NCAM1: variants seen among roughly 807,000 people sequenced by gnomAD.
The protein encoded by NCAM1 is antigen recognized by monoclonal antibody 5.1H11.
Under a neutral mutation model 109.8 loss-of-function variants are expected in NCAM1, and 14 were observed. That is an observed-to-expected ratio of 0.13 (90% CI 0.08 to 0.20). NCAM1 has a LOEUF of 0.20. Among genes scored for constraint, NCAM1 ranks in the 10% least tolerant of loss-of-function variants. The pLI is 1.00. For missense variants in NCAM1, 774 were observed against 1,109.9 expected, an observed-to-expected ratio of 0.70 and a Z score of 4.30; for synonymous variants, 418 against 442.9, an observed-to-expected ratio of 0.94 and a Z score of 0.70.
intron 1 of NCAM1, among the ~76,000 whole-genome samples, chr11:113,179,162 C>T (rs1327661728): frequency 1.3e-5 from 2 of 152,192 alleles, no homozygotes; most frequent in African/African-American, 4.8e-5. Context: ...GATAAATATT[C>T]ACCAGCATGC....
At chr11:113,050,045 G>A (rs1006945840) in intron 1 of NCAM1, among the ~76,000 whole-genome samples, 4 of 147,638 alleles carry the variant, frequency 2.7e-5, no homozygotes, top group Non-Finnish European at 4.4e-5. Context: ...TGGTATGGCT[G>A]TCTCAGATTC....
In NCAM1 at chr11:113,264,365, C is replaced by T. The variant is rs138172148; in HGVS notation, c.2131+4042C>T. 67 of 985,430 alleles carry T rather than the reference C, an allele frequency of 6.8e-5. 1 individual carries two copies. The South Asian group carries it at 1.8e-3, about 27-fold the overall frequency. 61.0% of individuals were successfully genotyped at this position (985,430 alleles called of 1,614,324 possible). A position where few individuals can be genotyped will look rare whatever the true frequency, so the allele number is the denominator to read the frequency against. The stretch of plus-strand genomic sequence containing the variant: ...GTTGGCGCTCGCCATTAATCCCCAG[C>T]GCTCAGTTTAGAGGCTCACGTGCAG... On this transcript the variant is annotated intron_variant, in intron 17 of 19. Transcript: ENST00000316851.
At chr11:113,196,657 G>A (rs1555110878) in intron 1 of NCAM1, among the ~76,000 whole-genome samples, 1 of 152,176 alleles carries the variant, frequency 6.6e-6, no homozygotes, top group Non-Finnish European at 1.5e-5. Flanking sequence ...ACACTGAGAG[G>A]TTAAATAACT....
intron 1 of NCAM1, among the ~76,000 whole-genome samples, chr11:113,011,012 G>A (rs1952035312): frequency 6.6e-6 from 1 of 151,358 alleles, no homozygotes; most frequent in Non-Finnish European, 1.5e-5. Context: ...TGCACATTGT[G>A]CAGGTTAGTT....
At chr11:113,204,694 A>G (rs537672467) in intron 3 of NCAM1, among the ~76,000 whole-genome samples, 190 bp downstream of exon 3, 3 of 151,950 alleles carry the variant, frequency 2.0e-5, no homozygotes, top group Admixed American at 6.6e-5. Context: ...GGTCACAGCT[A>G]CTCCCCCACA....
chr11:113,202,977 G>A (rs1307389657), intron 2 of NCAM1, among the ~76,000 whole-genome samples: 1 of 152,184 alleles, frequency 6.6e-6, no homozygotes, highest in Non-Finnish European at 1.5e-5. Flanking sequence ...TCGATATTCT[G>A]TGCCATGGTC....
chr11:113,007,615 G>A (rs180704008), intron 1 of NCAM1, among the ~76,000 whole-genome samples: 56 of 152,304 alleles, frequency 3.7e-4, no homozygotes, highest in African/African-American at 1.2e-3. Flanking sequence ...TCTTTTAGCT[G>A]ATGGCATCTT....
intron 1 of NCAM1, among the ~76,000 whole-genome samples, chr11:113,086,738 C>T (rs1411394136): frequency 6.6e-6 from 1 of 151,890 alleles, no homozygotes; most frequent in Admixed American, 6.6e-5. Flanking sequence ...TGGGAAGAAG[C>T]GTGAACAGAG....
chr11:113,198,568 C>T (rs1943928000), intron 1 of NCAM1, among the ~76,000 whole-genome samples: 1 of 152,034 alleles, frequency 6.6e-6, no homozygotes, highest in Admixed American at 6.6e-5. Flanking sequence ...AGACGGGTCT[C>T]CTGACCTTGT....
intron 1 of NCAM1, among the ~76,000 whole-genome samples, chr11:112,968,748 T>C (rs984572591): frequency 6.6e-6 from 1 of 152,080 alleles, no homozygotes; most frequent in Non-Finnish European, 1.5e-5. Flanking sequence ...GATTGGGTGG[T>C]TGGGGAGGTG....
intron 1 of NCAM1, among the ~76,000 whole-genome samples, chr11:113,059,629 C>A (rs1953846283): frequency 6.6e-6 from 1 of 152,148 alleles, no homozygotes; most frequent in East Asian, 1.9e-4. Context: ...TTCCAAGAGT[C>A]AGGAAGAAGC....
intron 1 of NCAM1, among the ~76,000 whole-genome samples, chr11:113,052,149 C>G (rs11605535): frequency 0.17 from 25,783 of 152,102 alleles, 2,539 homozygotes; most frequent in South Asian, 0.29. Context: ...GTTTACCTGA[C>G]AGTAATCGAA....
At chr11:113,192,261 A>AT (rs61023082) in intron 1 of NCAM1, among the ~76,000 whole-genome samples, 12,580 of 152,282 alleles carry the variant, frequency 0.083, 747 homozygotes, top group Non-Finnish European at 0.12. Context: ...AAGAAGGCCT[A>AT]TCTTATCAGG....
chr11:113,125,298 C>T (rs1397176870), intron 1 of NCAM1, among the ~76,000 whole-genome samples: 1 of 152,134 alleles, frequency 6.6e-6, no homozygotes. Context: ...GAATGGACCA[C>T]GTTTCCTCTG....
At chr11:113,009,240 CAGACT>C (rs1951969354) in intron 1 of NCAM1, among the ~76,000 whole-genome samples, 1 of 149,548 alleles carries the variant, frequency 6.7e-6, no homozygotes, top group South Asian at 2.1e-4. Flanking sequence ...CCTGCTTAGT[CAGACT>C]AGACCTTGAA....
In NCAM1 at chr11:112,992,637, A is replaced by G. The variant is rs138518240; in HGVS notation, c.52+30973A>G. Among the ~76,000 whole-genome samples, 1,483 of 151,136 alleles carry G rather than the reference A, an allele frequency of 9.8e-3. 25 individuals are homozygous for G. The highest frequency in any genetic ancestry group is 0.034 in the African/African-American group (1,402 of 41,144). On this transcript the variant is annotated intron_variant, in intron 1 of 19. Transcript: ENST00000316851. ...TGCCTCAGCCTCCCAAGTAGTTGGG[A>G]CTACAGGCGCCCGCCACCATGCCCG...
chr11:113,216,556 G>A (rs1366344411), intron 8 of NCAM1, among the ~76,000 whole-genome samples: 3 of 152,202 alleles, frequency 2.0e-5, no homozygotes, highest in African/African-American at 7.2e-5. Flanking sequence ...AAGCCTAGTA[G>A]TGACTACTTT....
At chr11:113,142,406 T>C (rs2136207185) in intron 1 of NCAM1, among the ~76,000 whole-genome samples, 1 of 152,330 alleles carries the variant, frequency 6.6e-6, no homozygotes, top group South Asian at 2.1e-4. Context: ...TTTAAATCAC[T>C]GTGTTCTCTG....
At chr11:113,162,712 T>G (rs1235524228) in intron 1 of NCAM1, among the ~76,000 whole-genome samples, 1 of 152,120 alleles carries the variant, frequency 6.6e-6, no homozygotes. Flanking sequence ...CCACCAGGAA[T>G]GTTATTGGAT....
Sources: gnomAD v4.1 joint callset for allele counts (sites outside exome capture counted in the v4.1 genomes callset) on GRCh38, gnomAD v4.1.1 for gene constraint, MANE v1.5 for transcripts, NCBI Gene and HGNC (gene_info 2026-07-23, HGNC 2026-07-21) for gene names.